Variants in DIAPH2 observed in about 807,000 individuals in gnomAD.
DIAPH2 encodes the protein protein diaphanous homolog 2.
DIAPH2 carries 35 observed loss-of-function variants against 92.7 expected under a neutral mutation model. That is an observed-to-expected ratio of 0.38 (90% confidence interval 0.29 to 0.50). The LOEUF is 0.50. DIAPH2 is among the 20% of genes least tolerant of loss of function. DIAPH2 has a pLI of 0.94. For missense variants in DIAPH2, 701 were observed against 819.5 expected (o/e 0.86, Z 1.77); for synonymous variants, 301 against 280.4 (o/e 1.07, Z -0.73).
rs1390476898 is a variant in DIAPH2, at chrX:97,425,807, G to GGT, written c.3146-3832_3146-3831dup. Among the ~76,000 whole-genome samples the GGT allele has an allele frequency of 1.4e-4, 13 of 93,160 alleles. No individual in the cohort carries two copies. In the South Asian group the frequency reaches 7.4e-3, roughly 53 times the overall value. 80.9% of individuals were successfully genotyped at this position (93,160 alleles called of 115,157 possible). On this transcript the variant is annotated intron_variant, in intron 25 of 26. Coordinates refer to ENST00000324765, the MANE Select transcript of DIAPH2 (RefSeq NM_006729.5). The stretch of plus-strand genomic sequence containing the variant: ...AAAAAAAAAAAAAAATCATATACTG[G>GGT]GTGTGTGTGTGTATGTATATGTGTG...
chrX:97,315,141 G>A (rs1434227241), intron 23 of DIAPH2, among the ~76,000 whole-genome samples: 1 of 110,819 alleles, frequency 9.0e-6, no homozygotes, highest in Non-Finnish European at 1.9e-5. Flanking sequence ...CTATAAGAGA[G>A]AAAAACAGGT....
chrX:96,814,140 C>T (rs1462363787), intron 4 of DIAPH2, among the ~76,000 whole-genome samples: 1 of 111,806 alleles, frequency 8.9e-6, no homozygotes, highest in African/African-American at 3.3e-5. Flanking sequence ...GTTCCATTCT[C>T]CCTGTCACTT....
At position 97,020,373 on chromosome X, in the gene DIAPH2, C is replaced by T. The variant is rs775628490; in HGVS notation, c.2051-52568C>T. ...TTCTAATTAACAATACATTAGTCCTCGCTACTTCTAATTAGCAATGCGGTA... is the reference window on the plus strand; with the variant it reads ...TTCTAATTAACAATACATTAGTCCTTGCTACTTCTAATTAGCAATGCGGTA... On this transcript the variant is annotated intron_variant, in intron 17 of 26. Transcript: ENST00000324765. Among the ~76,000 whole-genome samples, 49 of 111,920 alleles carry T rather than the reference C, an allele frequency of 4.4e-4. No individual in the cohort carries two copies. In the South Asian group the frequency reaches 0.014, roughly 33 times the overall value.
At chrX:97,400,974 C>T (rs1463477212) in intron 25 of DIAPH2, among the ~76,000 whole-genome samples, 2 of 108,117 alleles carry the variant, frequency 1.8e-5, no homozygotes, top group East Asian at 5.8e-4. Context: ...TCAAGTGATC[C>T]TCCTGCGTCA....
chrX:97,347,301 G>A (rs1225999281), intron 23 of DIAPH2, among the ~76,000 whole-genome samples: 1 of 108,468 alleles, frequency 9.2e-6, no homozygotes, highest in Non-Finnish European at 1.9e-5. Context: ...GTGTTGGCCA[G>A]GCTGGCCTCA....
At chrX:97,374,459 G>C (rs1313524335) in intron 24 of DIAPH2, among the ~76,000 whole-genome samples, 1 of 112,087 alleles carries the variant, frequency 8.9e-6, no homozygotes, top group Non-Finnish European at 1.9e-5. Flanking sequence ...CAGTGAGAAA[G>C]AAGTTCTACT....
chrX:97,140,748 C>T (rs764836562), intron 21 of DIAPH2, among the ~76,000 whole-genome samples: 2 of 111,673 alleles, frequency 1.8e-5, no homozygotes, highest in Non-Finnish European at 3.8e-5. Context: ...CCTAAATATC[C>T]TGTACAGCCT....
rs1163961484 is a variant in DIAPH2 at position 97,570,129 on chromosome X, G to GATAGATAA, written c.3242-29117_3242-29116insAATAGATA. Among the ~76,000 whole-genome samples, 79 of 37,421 alleles carry GATAGATAA rather than the reference G, an allele frequency of 2.1e-3. 2 individuals are homozygous for GATAGATAA. The highest frequency in any genetic ancestry group is 5.3e-3 in the South Asian group (2 of 380). 32.5% of individuals were successfully genotyped at this position (37,421 alleles called of 115,157 possible). A position where few individuals can be genotyped will look rare whatever the true frequency, so the allele number is the denominator to read the frequency against. On this transcript the variant is annotated intron_variant, in intron 26 of 26. Coordinates refer to ENST00000324765, the MANE Select transcript of DIAPH2 (RefSeq NM_006729.5). ...ATATATATATATATATATATTAGAA[G>GATAGATAA]ATAGATAGATAGATAGATAGATAGA...
At chrX:96,939,619 TAC>T (rs763279889) in intron 12 of DIAPH2, among the ~76,000 whole-genome samples, 12 of 57,602 alleles carry the variant, frequency 2.1e-4, no homozygotes, top group African/African-American at 3.2e-4. Context: ...CACACACATA[TAC>T]ACACACACAC....
At chrX:97,089,553 A>T (rs1175540555) in intron 19 of DIAPH2, among the ~76,000 whole-genome samples, 4 of 111,068 alleles carry the variant, frequency 3.6e-5, no homozygotes, top group African/African-American at 1.3e-4. Flanking sequence ...ATTGTCATAT[A>T]TGCTACTTAA....
intron 5 of DIAPH2, among the ~76,000 whole-genome samples, chrX:96,908,685 G>A (rs926813443): frequency 2.6e-4 from 29 of 110,538 alleles, no homozygotes; most frequent in African/African-American, 8.6e-4. Flanking sequence ...TGCAACCTCC[G>A]TCTCCTGGGT....
intron 24 of DIAPH2, among the ~76,000 whole-genome samples, chrX:97,363,516 A>T (rs1413192956): frequency 1.9e-5 from 2 of 106,455 alleles, no homozygotes; most frequent in Non-Finnish European, 3.9e-5. Context: ...AAAAAAAAAA[A>T]TTAGCGTGGC....
chrX:97,048,977 A>G (rs1160597325), intron 17 of DIAPH2, among the ~76,000 whole-genome samples: 4 of 108,743 alleles, frequency 3.7e-5, no homozygotes, highest in Non-Finnish European at 5.8e-5. Context: ...CTCTCGCACA[A>G]TCTTCTTTTT....
intron 4 of DIAPH2, among the ~76,000 whole-genome samples, chrX:96,798,425 T>C (rs2064556978): frequency 9.0e-6 from 1 of 111,493 alleles, no homozygotes; most frequent in East Asian, 2.8e-4. Flanking sequence ...ATTTCAGATA[T>C]GGTATTTTTT....
In DIAPH2 at chrX:97,507,141, CAAAAAAA is replaced by C. The variant is rs397896097; in HGVS notation, c.3241+77415_3241+77421del. Among the ~76,000 whole-genome samples, 142 of 31,116 alleles carry C rather than the reference CAAAAAAA, an allele frequency of 4.6e-3. 1 individual carries two copies. Among genetic ancestry groups the C allele is most frequent in the African/African-American group, 0.018 (131 of 7,294 alleles). The allele number at this position is 31,116 out of a possible 115,157, so 27.0% of individuals were successfully genotyped here. On this transcript the variant is annotated intron_variant, in intron 26 of 26. Coordinates refer to ENST00000324765, the MANE Select transcript of DIAPH2 (RefSeq NM_006729.5). ...AGGATACACCAGTGAACAAAACCGA[CAAAAAAA>C]AAAAAAAAAAAAAAAAAATCCCTAC...
chrX:97,543,665 C>T (rs150914052), intron 26 of DIAPH2, among the ~76,000 whole-genome samples: 109 of 109,746 alleles, frequency 9.9e-4, no homozygotes, highest in East Asian at 4.9e-3. Flanking sequence ...CCACCACACC[C>T]GGCTAATTTT....
chrX:97,362,557 T>C (rs966214420), intron 24 of DIAPH2, among the ~76,000 whole-genome samples: 1 of 112,596 alleles, frequency 8.9e-6, no homozygotes, highest in Non-Finnish European at 1.9e-5. Context: ...TTTTCTAATT[T>C]GCTTGAAAAG....
intron 4 of DIAPH2, among the ~76,000 whole-genome samples, chrX:96,836,289 G>A (rs1288963028): frequency 9.1e-6 from 1 of 109,473 alleles, no homozygotes; most frequent in East Asian, 2.9e-4. Context: ...CCAAGTCTTT[G>A]CCTTATAGGA....
chrX:96,982,055 A>G (rs1311933910), intron 17 of DIAPH2, among the ~76,000 whole-genome samples: 1 of 112,123 alleles, frequency 8.9e-6, no homozygotes, highest in Non-Finnish European at 1.9e-5. Flanking sequence ...GGTTTACAAC[A>G]TATTGAAACA....
Sources: gnomAD v4.1 joint callset for allele counts (sites outside exome capture counted in the v4.1 genomes callset) on GRCh38, gnomAD v4.1.1 for gene constraint, MANE v1.5 for transcripts, NCBI Gene and HGNC (gene_info 2026-07-23, HGNC 2026-07-21) for gene names.